The following ARID1A variants were observed in gnomAD, a reference collection of about 807,000 sequenced individuals.
The protein encoded by ARID1A is AT-rich interactive domain-containing protein 1A.
Under a neutral mutation model 212.6 loss-of-function variants are expected in ARID1A, and 20 were observed. The ratio of observed to expected loss-of-function variants is 0.09; its 90% CI spans 0.07 to 0.14. ARID1A has a LOEUF of 0.14. ARID1A is among the 10% of genes least tolerant of loss of function. The pLI is 1.00. For synonymous variants in ARID1A, 1,376 were observed against 1,222.1 expected (o/e 1.13, Z -2.63); for missense variants, 2,587 against 3,059.0 (o/e 0.85, Z 3.64).
chr1:26,735,271 G>A (rs1015515775), intron 4 of ARID1A, among the ~76,000 whole-genome samples: 2 of 151,300 alleles, frequency 1.3e-5, no homozygotes, highest in Non-Finnish European at 1.5e-5. Context: ...GTTTACAGGT[G>A]CTCGCCACTA....
chr1:26,728,113 T>C (rs574530572), intron 1 of ARID1A, among the ~76,000 whole-genome samples: 13 of 152,346 alleles, frequency 8.5e-5, no homozygotes, highest in African/African-American at 2.2e-4. Context: ...TTTAATAATA[T>C]TGACATGTAG....
chr1:26,696,900 C>T lies in ARID1A; in HGVS notation c.497C>T (p.Ala166Val), dbSNP rs764556085. The T allele has an allele frequency of 1.5e-5, 20 of 1,376,026 alleles. No individual in the cohort carries two copies. Among genetic ancestry groups the T allele is most frequent in the East Asian group, 3.0e-5 (1 of 33,870 alleles). 85.2% of individuals were successfully genotyped at this position (1,376,026 alleles called of 1,614,324 possible). ...CCGTCTGCCGTCGCCGCCGCCGCGG[C>T]CGCCGTCTTCCACCAACAACATGGC... ...RSPSAVAAAA[A>V]AVFHQQHGGQ... The change falls in exon 1 of 20, where the codon GCC becomes GTC. Residue 166 changes from alanine to valine, a missense_variant. By Grantham distance (64) the Ala-to-Val change is moderately conservative. Transcript: ENST00000324856.
intron 4 of ARID1A, among the ~76,000 whole-genome samples, chr1:26,748,916 G>C (rs1045679006): frequency 1.3e-5 from 2 of 151,986 alleles, no homozygotes; most frequent in African/African-American, 4.8e-5. Flanking sequence ...TGTAATCCCA[G>C]CACTTTGGGA....
intron 4 of ARID1A, among the ~76,000 whole-genome samples, chr1:26,745,329 G>C (rs2080826549): frequency 6.6e-6 from 1 of 152,200 alleles, no homozygotes; most frequent in Non-Finnish European, 1.5e-5. Context: ...CCAGCACCCA[G>C]TTAAGTGGAG....
intron 1 of ARID1A, among the ~76,000 whole-genome samples, chr1:26,725,186 T>C (rs1365467177): frequency 1.3e-5 from 2 of 152,164 alleles, no homozygotes; most frequent in Non-Finnish European, 2.9e-5. Flanking sequence ...AATCTCTGGC[T>C]TTTTGCAGCT....
At chr1:26,744,215 C>G (rs915449033) in intron 4 of ARID1A, among the ~76,000 whole-genome samples, 9 of 152,224 alleles carry the variant, frequency 5.9e-5, no homozygotes, top group African/African-American at 1.2e-4. Flanking sequence ...CTGTTCCAAC[C>G]CTGATACTGC....
Position 26,697,177 on chromosome 1 carries a change from C to T in ARID1A, c.774C>T (p.Ser258=), listed in dbSNP as rs1433223379. 2.1e-6 allele frequency: 3 copies of T among 1,431,826 alleles called. No individual in the cohort carries two copies. Among genetic ancestry groups the T allele is most frequent in the Middle Eastern group, 1.9e-4 (1 of 5,296 alleles). 88.7% of individuals were successfully genotyped at this position (1,431,826 alleles called of 1,614,324 possible). The change falls in exon 1 of 20, where the codon TCC becomes TCT. Residue 258 remains serine (S), a synonymous_variant. Transcript: ENST00000324856. ...AGCCGCCTCCCTCCTCCAGCGCCTC[C>T]GCCTCCTCGTCGTCTTCGTCCTTCG... ...GSKPPPSSSA[S]ASSSSSSFAQ...
At chr1:26,757,097 C>T (rs1044735890) in intron 4 of ARID1A, among the ~76,000 whole-genome samples, 2 of 151,958 alleles carry the variant, frequency 1.3e-5, no homozygotes, top group African/African-American at 4.8e-5. Context: ...TTTTTCTAAT[C>T]CCAGCTACTC....
chr1:26,745,616 C>G (rs1430920615), intron 4 of ARID1A, among the ~76,000 whole-genome samples: 1 of 151,954 alleles, frequency 6.6e-6, no homozygotes, highest in Non-Finnish European at 1.5e-5. Context: ...ATATGACGAA[C>G]CTAAGGCCCA....
chr1:26,696,684 C>G lies in ARID1A; in HGVS notation c.281C>G (p.Pro94Arg). The change falls in exon 1 of 20, where the codon CCC becomes CGC. Residue 94 changes from proline to arginine, a missense_variant. By Grantham distance (103) the Pro-to-Arg change is moderately radical. Coordinates refer to ENST00000324856, the MANE Select transcript of ARID1A (RefSeq NM_006015.6). ...GGCGGAGCCGGCAGCGGCGGCGGGCCCGGCGCGGAGCCGGACCTGAAGAAC... is the reference window on the plus strand; with the variant it reads ...GGCGGAGCCGGCAGCGGCGGCGGGCGCGGCGCGGAGCCGGACCTGAAGAAC... ...GGGGAGSGGG[P>R]GAEPDLKNSN... The G allele has an allele frequency of 7.5e-7, 1 of 1,324,616 alleles. No homozygotes were observed. The highest frequency in any genetic ancestry group is 9.6e-7 in the Non-Finnish European group (1 of 1,038,916). The allele number at this position is 1,324,616 out of a possible 1,614,324, so 82.1% of individuals were successfully genotyped here. A position where few individuals can be genotyped will look rare whatever the true frequency, so the allele number is the denominator to read the frequency against.
intron 1 of ARID1A, among the ~76,000 whole-genome samples, chr1:26,710,490 T>TACACACACACACACACACACAC (rs1291075615): frequency 1.6e-3 from 16 of 9,698 alleles, no homozygotes; most frequent in Admixed American, 4.5e-3. Flanking sequence ...AATAAAATAA[T>TACACACACACACACACACACAC]ACATACACAC....
At chr1:26,718,123 C>T (rs1010134716) in intron 1 of ARID1A, among the ~76,000 whole-genome samples, 2 of 152,038 alleles carry the variant, frequency 1.3e-5, no homozygotes, top group African/African-American at 4.8e-5. Context: ...TACAGGCATG[C>T]ACCACCACGC....
chr1:26,767,308 C>T (rs2081047927), intron 10 of ARID1A, among the ~76,000 whole-genome samples: 1 of 152,180 alleles, frequency 6.6e-6, no homozygotes, highest in Non-Finnish European at 1.5e-5. Context: ...AGTTTCTTTT[C>T]ATTTTAGTCC....
At chr1:26,729,407 A>C (rs2080651013) in intron 1 of ARID1A, 2 of 521,286 alleles carry the variant, frequency 3.8e-6, no homozygotes, top group African/African-American at 3.8e-5. Flanking sequence ...CACAGTTACA[A>C]AGTAGTTTTT....
At chr1:26,758,387 C>A (rs2080960481) in intron 4 of ARID1A, among the ~76,000 whole-genome samples, 1 of 151,992 alleles carries the variant, frequency 6.6e-6, no homozygotes, top group African/African-American at 2.4e-5. Context: ...TTGAGACCAC[C>A]CTGGGCAACA....
Position 26,774,093 on chromosome 1 carries a change from A to C in ARID1A, c.4101+195A>C. On this transcript the variant is annotated intron_variant, in intron 17 of 19. Coordinates refer to ENST00000324856, the MANE Select transcript of ARID1A (RefSeq NM_006015.6). The surrounding 1 kb of genome is among the most constrained non-coding windows in gnomAD (Gnocchi z 5.6). ...TATTTGGAGTTGGAAGGGGCTAGAA[A>C]TAGACCTTATTTTGATTTTTAGGTT... is the stretch of plus-strand genomic sequence containing the variant. 9.2e-7 allele frequency: 1 copy of C among 1,087,412 alleles called. No individual in the cohort carries two copies. The allele number at this position is 1,087,412 out of a possible 1,614,324, so 67.4% of individuals were successfully genotyped here. A position where few individuals can be genotyped will look rare whatever the true frequency, so the allele number is the denominator to read the frequency against.
intron 4 of ARID1A, among the ~76,000 whole-genome samples, chr1:26,743,089 G>A (rs1020538558): frequency 1.2e-4 from 18 of 152,302 alleles, no homozygotes; most frequent in African/African-American, 4.3e-4. Flanking sequence ...TGTTTCGTGC[G>A]TGTTTTGGGG....
intron 4 of ARID1A, among the ~76,000 whole-genome samples, chr1:26,749,501 A>G (rs1042340668): frequency 2.0e-5 from 3 of 152,156 alleles, no homozygotes; most frequent in Non-Finnish European, 4.4e-5. Flanking sequence ...TGGCTGCTGC[A>G]GTGACCCAGC....
chr1:26,733,460 T>C (rs1410852816), intron 4 of ARID1A, among the ~76,000 whole-genome samples: 1 of 152,122 alleles, frequency 6.6e-6, no homozygotes, highest in African/African-American at 2.4e-5. Flanking sequence ...GAACATTAAA[T>C]AGGTTACTAG....
Sources: allele counts gnomAD v4.1 joint callset (sites outside exome capture counted in the v4.1 genomes callset), GRCh38; gene constraint gnomAD v4.1.1; non-coding constraint Gnocchi (gnomAD v3.1); transcripts MANE v1.5; gene names NCBI Gene and HGNC (gene_info 2026-07-23, HGNC 2026-07-21).